Variants in GRM5 observed in about 807,000 individuals in gnomAD.
The protein encoded by GRM5 is glutamate metabotropic receptor 5.
GRM5 carries 19 observed loss-of-function variants against 83.1 expected under a neutral mutation model. The ratio of observed to expected loss-of-function variants is 0.23; its 90% CI spans 0.16 to 0.34. GRM5 has a LOEUF of 0.34. Ranked by LOEUF, GRM5 falls within the 10% of genes least tolerant of loss-of-function variation. The pLI, the probability that GRM5 is intolerant of heterozygous loss-of-function variation, is 1.00. For synonymous variants in GRM5, 675 were observed against 633.6 expected (o/e 1.07, Z -0.98); for missense variants, 1,160 against 1,588.3 (o/e 0.73, Z 4.58).
rs1391996011 is a variant in GRM5 at position 89,040,011 on chromosome 11, T to G, written c.661+7201A>C. On this transcript the variant is annotated intron_variant, in intron 2 of 9. Coordinates refer to ENST00000305447, the MANE Select transcript of GRM5 (RefSeq NM_001143831.3). ...TTTTTGTAGAGATAGAGCCTTATTA[T>G]GTTGCCCACCCTATGTCCAACATTT... 3.3e-5 allele frequency among the ~76,000 whole-genome samples: 5 copies of G among 152,210 alleles called. No homozygotes were observed. In the East Asian group the frequency reaches 9.6e-4, roughly 29 times the overall value.
chr11:88,956,307 T>C (rs548172710), intron 2 of GRM5, among the ~76,000 whole-genome samples: 2 of 152,366 alleles, frequency 1.3e-5, no homozygotes, highest in South Asian at 2.1e-4. Context: ...ATCTTAGTGA[T>C]AGACGATATT....
intron 5 of GRM5, among the ~76,000 whole-genome samples, chr11:88,599,279 A>G (rs1323545198): frequency 6.6e-6 from 1 of 152,210 alleles, no homozygotes; most frequent in East Asian, 1.9e-4. Context: ...ACTTGTTTTA[A>G]GGAAAGTTAA....
chr11:88,709,426 G>A (rs1394424799), intron 3 of GRM5, among the ~76,000 whole-genome samples: 1 of 152,058 alleles, frequency 6.6e-6, no homozygotes, highest in Non-Finnish European at 1.5e-5. Flanking sequence ...GATCTGGGAT[G>A]ACTTGATTTG....
At position 88,739,061 on chromosome 11, in the gene GRM5, G is replaced by A. The variant is rs569080393; in HGVS notation, c.912-85658C>T. Among the ~76,000 whole-genome samples the A allele has an allele frequency of 3.3e-5, 5 of 152,044 alleles. No individual in the cohort carries two copies. In the East Asian group the frequency reaches 5.8e-4, roughly 18 times the overall value. ...AAAATTTCCATAAAATTAAAATTAC[G>A]TATTTCATAGCACATAGCATTGTTT... On this transcript the variant is annotated intron_variant, in intron 3 of 9. Coordinates refer to ENST00000305447, the MANE Select transcript of GRM5 (RefSeq NM_001143831.3).
chr11:89,013,224 AT>A, intron 2 of GRM5, among the ~76,000 whole-genome samples: 1 of 152,152 alleles, frequency 6.6e-6, no homozygotes, highest in East Asian at 1.9e-4. Flanking sequence ...CATATGTGTT[AT>A]TTTTCTGCAT....
intron 6 of GRM5, among the ~76,000 whole-genome samples, chr11:88,596,888 G>T (rs924349438): frequency 1.3e-5 from 2 of 151,880 alleles, no homozygotes; most frequent in Non-Finnish European, 2.9e-5. Flanking sequence ...AAATAAATTA[G>T]AATTAGTGTC....
chr11:89,023,661 T>C (rs185388579), intron 2 of GRM5, among the ~76,000 whole-genome samples: 1 of 151,254 alleles, frequency 6.6e-6, no homozygotes, highest in East Asian at 2.0e-4. Context: ...CTGGCCAACA[T>C]AGCGAAACCC....
chr11:88,726,034 G>A (rs1941671966), intron 3 of GRM5, among the ~76,000 whole-genome samples: 1 of 152,148 alleles, frequency 6.6e-6, no homozygotes, highest in Non-Finnish European at 1.5e-5. Flanking sequence ...GATGGAGAAT[G>A]AGTTTGATGA....
Position 89,022,582 on chromosome 11 carries a change from G to A in GRM5, c.661+24630C>T, listed in dbSNP as rs146001467. Among the ~76,000 whole-genome samples the A allele has an allele frequency of 9.2e-3, 1,406 of 152,238 alleles. 29 individuals carry two copies. The highest frequency in any genetic ancestry group is 0.032 in the African/African-American group (1,320 of 41,550). ...TAGGAGAATTGCTTAAACCTGGGAG[G>A]CGGGGATTGCAGTGAGCCGAGATCG... On this transcript the variant is annotated intron_variant, in intron 2 of 9. Coordinates refer to ENST00000305447, the MANE Select transcript of GRM5 (RefSeq NM_001143831.3).
intron 2 of GRM5, among the ~76,000 whole-genome samples, chr11:88,979,601 C>T (rs573142693): frequency 1.4e-4 from 21 of 152,030 alleles, no homozygotes; most frequent in Non-Finnish European, 2.1e-4. Context: ...TTTTCAGGGC[C>T]CATCTTACTA....
chr11:88,795,793 G>A (rs1943264312), intron 3 of GRM5, among the ~76,000 whole-genome samples: 1 of 152,144 alleles, frequency 6.6e-6, no homozygotes, highest in Non-Finnish European at 1.5e-5. Context: ...TTGCCATATT[G>A]CTAATGTGGG....
intron 3 of GRM5, among the ~76,000 whole-genome samples, chr11:88,775,575 T>C (rs1276261151): frequency 6.6e-6 from 1 of 152,186 alleles, no homozygotes; most frequent in Non-Finnish European, 1.5e-5. Flanking sequence ...TTGTGGGCAT[T>C]TAGTGCTATA....
At chr11:88,683,591 A>G (rs1940548900) in intron 3 of GRM5, among the ~76,000 whole-genome samples, 1 of 152,334 alleles carries the variant, frequency 6.6e-6, no homozygotes, top group East Asian at 1.9e-4. Context: ...AATATTTTGA[A>G]AAGCCTTATT....
intron 3 of GRM5, among the ~76,000 whole-genome samples, chr11:88,831,754 C>T (rs1237288345): frequency 6.6e-6 from 1 of 152,184 alleles, no homozygotes; most frequent in Non-Finnish European, 1.5e-5. Context: ...CCAGCTTGGA[C>T]TGCTTGGGAT....
chr11:88,654,361 C>T (rs1168966513), intron 3 of GRM5, among the ~76,000 whole-genome samples: 2 of 152,006 alleles, frequency 1.3e-5, no homozygotes, highest in African/African-American at 4.8e-5. Flanking sequence ...CACCCTAGGG[C>T]ATCTAAGGAA....
At chr11:88,728,254 C>A (rs572269647) in intron 3 of GRM5, among the ~76,000 whole-genome samples, 2 of 152,062 alleles carry the variant, frequency 1.3e-5, no homozygotes, top group African/African-American at 4.8e-5. Context: ...CACCTCTACA[C>A]AAATAAACTA....
chr11:88,808,996 C>G (rs565975781), intron 3 of GRM5, among the ~76,000 whole-genome samples: 5 of 152,030 alleles, frequency 3.3e-5, no homozygotes, highest in Non-Finnish European at 7.4e-5. Context: ...ATCTAACAAT[C>G]CACTTCCTTT....
At chr11:88,582,371 T>C (rs1943229182) in intron 7 of GRM5, among the ~76,000 whole-genome samples, 1 of 152,210 alleles carries the variant, frequency 6.6e-6, no homozygotes, top group Non-Finnish European at 1.5e-5. Flanking sequence ...ATTATTTAAG[T>C]AAGGTTAGGT....
chr11:88,542,775 GATA>G (rs1423655603), intron 8 of GRM5, among the ~76,000 whole-genome samples: 1 of 152,086 alleles, frequency 6.6e-6, no homozygotes, highest in Non-Finnish European at 1.5e-5. Flanking sequence ...TCATGGTAAA[GATA>G]ATAACACCTG....
Sources: gnomAD v4.1 joint callset for allele counts (sites outside exome capture counted in the v4.1 genomes callset) on GRCh38, gnomAD v4.1.1 for gene constraint, MANE v1.5 for transcripts, NCBI Gene and HGNC (gene_info 2026-07-23, HGNC 2026-07-21) for gene names.